Variants in IMPG2 observed in about 807,000 individuals in gnomAD.
IMPG2 encodes the protein IPM 200.
In IMPG2, 91 loss-of-function variants were observed where a neutral mutation model predicts 129.2. That is an observed-to-expected ratio of 0.70 (90% CI 0.59 to 0.84). IMPG2 has a LOEUF of 0.84. Ranked by LOEUF, IMPG2 falls within the 40% of genes least tolerant of loss-of-function variation. The pLI is 0.00. For missense variants in IMPG2, 1,430 were observed against 1,461.7 expected (o/e 0.98, Z 0.35); for synonymous variants, 510 against 517.7 (o/e 0.99, Z 0.20).
intron 2 of IMPG2, among the ~76,000 whole-genome samples, chr3:101,313,387 C>T (rs909502976): frequency 2.6e-5 from 4 of 152,122 alleles, no homozygotes; most frequent in Middle Eastern, 3.2e-3. Flanking sequence ...ATACTGCATA[C>T]TTCACTACTT....
At position 101,225,791 on chromosome 3, in the gene IMPG2, A is replaced by T. The variant is rs1706215125; in HGVS notation, c.*1178T>A. ...TTTGGCCTCCTCCTCTCCCCCTCCA[A>T]AGCAACCCATTCAAAAAAAACACTA... On this transcript the variant is annotated 3_prime_UTR_variant, in exon 19 of 19. Transcript: ENST00000193391. 1.3e-5 allele frequency: 2 copies of T among 152,014 alleles called. No homozygotes were observed. Among genetic ancestry groups the T allele is most frequent in the South Asian group, 4.2e-4 (2 of 4,816 alleles). The allele number at this position is 152,014 out of a possible 1,614,324, so 9.4% of individuals were successfully genotyped here.
chr3:101,286,525 C>T (rs1449845248), intron 4 of IMPG2, among the ~76,000 whole-genome samples: 3 of 152,090 alleles, frequency 2.0e-5, no homozygotes, highest in African/African-American at 7.2e-5. Flanking sequence ...ATCTCTCTTC[C>T]CCTTGGCATC....
intron 5 of IMPG2, among the ~76,000 whole-genome samples, chr3:101,276,143 A>G (rs994771270): frequency 1.3e-5 from 2 of 152,216 alleles, no homozygotes; most frequent in African/African-American, 4.8e-5. Context: ...GGACCTTATC[A>G]TGTTATTCTA....
intron 2 of IMPG2, among the ~76,000 whole-genome samples, chr3:101,317,185 G>A (rs73863043): frequency 0.049 from 7,392 of 151,910 alleles, 626 homozygotes; most frequent in African/African-American, 0.17. Flanking sequence ...GGGTAAATTC[G>A]TCAAAACTAA....
chr3:101,301,454 G>T (rs940466033), intron 3 of IMPG2, among the ~76,000 whole-genome samples: 1 of 152,126 alleles, frequency 6.6e-6, no homozygotes, highest in Non-Finnish European at 1.5e-5. Context: ...CCCGCACTAA[G>T]TCCAAAATGG....
chr3:101,230,541 A>G (rs1303964603), intron 16 of IMPG2, among the ~76,000 whole-genome samples: 1 of 152,180 alleles, frequency 6.6e-6, no homozygotes, highest in Non-Finnish European at 1.5e-5. Context: ...TGAAATAGGC[A>G]TTCTGGTCAC....
At chr3:101,240,277 C>G (rs1045950426) in intron 14 of IMPG2, among the ~76,000 whole-genome samples, 1 of 151,932 alleles carries the variant, frequency 6.6e-6, no homozygotes, top group African/African-American at 2.4e-5. Flanking sequence ...GCCACAGTGC[C>G]CAGCTAATTT....
intron 14 of IMPG2, among the ~76,000 whole-genome samples, chr3:101,236,523 T>C (rs959366309): frequency 3.3e-5 from 5 of 151,984 alleles, no homozygotes; most frequent in South Asian, 2.1e-4. Flanking sequence ...TTGGGACTGA[T>C]TGGACAGTGG....
chr3:101,247,056 A>G (rs530838983), intron 11 of IMPG2, among the ~76,000 whole-genome samples: 1 of 152,092 alleles, frequency 6.6e-6, no homozygotes, highest in Non-Finnish European at 1.5e-5. Context: ...AGATCAACCC[A>G]CTGCACTCCA....
intron 14 of IMPG2, among the ~76,000 whole-genome samples, chr3:101,240,843 T>C (rs989027805): frequency 1.4e-4 from 21 of 152,194 alleles, no homozygotes; most frequent in Non-Finnish European, 3.1e-4. Flanking sequence ...ACTTCTTTCC[T>C]AAAGAATAGG....
intron 9 of IMPG2, among the ~76,000 whole-genome samples, chr3:101,263,675 A>T (rs1706693180): frequency 6.6e-6 from 1 of 152,038 alleles, no homozygotes; most frequent in African/African-American, 2.4e-5. Flanking sequence ...AAACCAAAAA[A>T]TTAGCAGCAG....
At chr3:101,270,555 A>C (rs369200432) in intron 7 of IMPG2, among the ~76,000 whole-genome samples, 11 of 152,076 alleles carry the variant, frequency 7.2e-5, no homozygotes, top group Non-Finnish European at 1.2e-4. Flanking sequence ...AGATGTAAAA[A>C]TAATCAGGTT....
intron 2 of IMPG2, 137 bp from the exon 3 acceptor site, chr3:101,304,449 C>T (rs1707168411): frequency 1.3e-6 from 1 of 759,182 alleles, no homozygotes; most frequent in Non-Finnish European, 2.3e-6. Context: ...GATTCTCAGT[C>T]AAAGGCCTTC....
At chr3:101,276,987 C>T (rs185910235) in intron 4 of IMPG2, among the ~76,000 whole-genome samples, 21 of 152,252 alleles carry the variant, frequency 1.4e-4, no homozygotes, top group Middle Eastern at 3.4e-3. Flanking sequence ...GTTCTTATCA[C>T]TATGTGAAAT....
At chr3:101,245,713 T>G in intron 12 of IMPG2, 89 bp downstream of exon 12, 1 of 1,225,624 alleles carries the variant, frequency 8.2e-7, no homozygotes, top group South Asian at 1.2e-5. Flanking sequence ...TGCTACCATG[T>G]TTTTTTCATA....
intron 2 of IMPG2, among the ~76,000 whole-genome samples, chr3:101,314,599 C>T (rs1349980324): frequency 6.6e-6 from 1 of 152,114 alleles, no homozygotes; most frequent in East Asian, 1.9e-4. Flanking sequence ...GCATGGATGG[C>T]CATTCCCACT....
chr3:101,234,861 A>C (rs1706329111), intron 14 of IMPG2, among the ~76,000 whole-genome samples: 1 of 152,194 alleles, frequency 6.6e-6, no homozygotes, highest in African/African-American at 2.4e-5. Context: ...AAGTACTTTA[A>C]TCTGAAGGCC....
At chr3:101,230,760 A>C (rs1288639597) in intron 16 of IMPG2, among the ~76,000 whole-genome samples, 197 bp downstream of exon 16, 6 of 152,210 alleles carry the variant, frequency 3.9e-5, no homozygotes, top group Non-Finnish European at 8.8e-5. Flanking sequence ...AAGGCTCCTT[A>C]GCATCTTATT....
chr3:101,288,952 C>T (rs1204117850), intron 4 of IMPG2, among the ~76,000 whole-genome samples: 2 of 152,116 alleles, frequency 1.3e-5, no homozygotes, highest in African/African-American at 4.8e-5. Context: ...TCAACCAAAG[C>T]AATATAAACT....
Sources: allele counts gnomAD v4.1 joint callset (sites outside exome capture counted in the v4.1 genomes callset), GRCh38; gene constraint gnomAD v4.1.1; transcripts MANE v1.5; gene names NCBI Gene and HGNC (gene_info 2026-07-23, HGNC 2026-07-21).